PDCD1LG2: variants seen among roughly 807,000 people sequenced by gnomAD.
PDCD1LG2 encodes the protein B7 dendritic cell molecule.
Under a neutral mutation model 28.2 loss-of-function variants are expected in PDCD1LG2, and 32 were observed. The ratio of observed to expected loss-of-function variants is 1.13; its 90% CI spans 0.86 to 1.52. The LOEUF (loss-of-function observed/expected upper bound fraction) is 1.52, where lower values mean the gene tolerates loss of function less well. PDCD1LG2 is among the 40% of genes most tolerant of loss of function. PDCD1LG2 has a pLI of 0.00. For synonymous variants in PDCD1LG2, 116 were observed against 120.2 expected, an observed-to-expected ratio of 0.97 and a Z score of 0.23; for missense variants, 385 against 323.8, an observed-to-expected ratio of 1.19 and a Z score of -1.45.
chr9:5,520,310 T>C (rs1465851745), intron 1 of PDCD1LG2, among the ~76,000 whole-genome samples: 4 of 152,246 alleles, frequency 2.6e-5, no homozygotes, highest in Admixed American at 6.5e-5. Flanking sequence ...ATTGATGTTT[T>C]GCAAGGGTGC....
At chr9:5,527,145 A>G (rs1820395191) in intron 2 of PDCD1LG2, among the ~76,000 whole-genome samples, 1 of 152,276 alleles carries the variant, frequency 6.6e-6, no homozygotes, top group Admixed American at 6.5e-5. Flanking sequence ...AAGGATATAT[A>G]CATGGATGTA....
At chr9:5,546,958 T>A (rs1412860044) in intron 3 of PDCD1LG2, among the ~76,000 whole-genome samples, 1 of 152,132 alleles carries the variant, frequency 6.6e-6, no homozygotes, top group East Asian at 1.9e-4. Context: ...TGCTCTCTAG[T>A]GAACCCAGAT....
chr9:5,561,334 A>C (rs1201545030), intron 5 of PDCD1LG2, among the ~76,000 whole-genome samples: 2 of 152,198 alleles, frequency 1.3e-5, no homozygotes, highest in Non-Finnish European at 2.9e-5. Flanking sequence ...ACCCTTTACA[A>C]ACTTCTCATT....
chr9:5,562,240 G>A (rs1157141402), intron 5 of PDCD1LG2, among the ~76,000 whole-genome samples: 2 of 152,118 alleles, frequency 1.3e-5, no homozygotes, highest in Non-Finnish European at 2.9e-5. Flanking sequence ...ACCAACCTAA[G>A]ATCCCATTGA....
At chr9:5,517,256 G>A (rs1445235550) in intron 1 of PDCD1LG2, among the ~76,000 whole-genome samples, 2 of 152,344 alleles carry the variant, frequency 1.3e-5, no homozygotes, top group Non-Finnish European at 2.9e-5. Flanking sequence ...GAAAGTGTCC[G>A]GGTAGAGGGA....
chr9:5,520,624 T>C (rs186643266), intron 1 of PDCD1LG2, among the ~76,000 whole-genome samples: 1 of 152,028 alleles, frequency 6.6e-6, no homozygotes. Context: ...GCACAAACAA[T>C]AAAAGAAAAA....
rs1820659471 is a variant in PDCD1LG2, at chr9:5,540,080, T to C, written c.361+5030T>C. On this transcript the variant is annotated intron_variant, in intron 3 of 6. Transcript: ENST00000397747. The stretch of plus-strand genomic sequence containing the variant: ...CAGTGGAGTAAAACTGGAAATAAAC[T>C]CCAAAAGGAACCTTCAAAACCATGC... 2.6e-5 allele frequency among the ~76,000 whole-genome samples: 4 copies of C among 152,092 alleles called. No individual in the cohort carries two copies. In the South Asian group the frequency reaches 8.3e-4, roughly 32 times the overall value.
chr9:5,520,811 C>T (rs1042674647), intron 1 of PDCD1LG2, among the ~76,000 whole-genome samples: 4 of 152,050 alleles, frequency 2.6e-5, no homozygotes, highest in African/African-American at 9.7e-5. Flanking sequence ...TTTGGCAATT[C>T]CTCAAAAAGT....
rs556902951 is a variant in PDCD1LG2, at chr9:5,518,191, A to C, written c.-14-4342A>C. ...TTAGAGGCTTACAATTTGTAAAACCAGGATTAAACCCAGATGTGTCTGATT... is the reference window on the plus strand; with the variant it reads ...TTAGAGGCTTACAATTTGTAAAACCCGGATTAAACCCAGATGTGTCTGATT... On this transcript the variant is annotated intron_variant, in intron 1 of 6. Transcript: ENST00000397747. Among the ~76,000 whole-genome samples the C allele has an allele frequency of 2.6e-5, 4 of 152,374 alleles. No homozygotes were observed. The East Asian group carries it at 7.7e-4, about 29-fold the overall frequency.
intron 5 of PDCD1LG2, among the ~76,000 whole-genome samples, chr9:5,559,917 G>T (rs1816526071): frequency 6.6e-6 from 1 of 152,108 alleles, no homozygotes; most frequent in African/African-American, 2.4e-5. Flanking sequence ...GTCCTCAGAG[G>T]CATGGCAGTC....
At chr9:5,514,166 A>T (rs1820112103) in intron 1 of PDCD1LG2, among the ~76,000 whole-genome samples, 1 of 152,226 alleles carries the variant, frequency 6.6e-6, no homozygotes, top group South Asian at 2.1e-4. Context: ...ACTTCCATAG[A>T]ATGTCTATGC....
intron 6 of PDCD1LG2, among the ~76,000 whole-genome samples, chr9:5,564,538 T>G (rs1464381451): frequency 6.6e-6 from 1 of 152,184 alleles, no homozygotes; most frequent in Non-Finnish European, 1.5e-5. Context: ...CAATACCTAA[T>G]GAGGAATTTA....
intron 4 of PDCD1LG2, among the ~76,000 whole-genome samples, chr9:5,551,215 G>C (rs539630728): frequency 2.0e-5 from 3 of 152,176 alleles, no homozygotes; most frequent in Non-Finnish European, 2.9e-5. Context: ...CTACTGAGAA[G>C]GGATATACTC....
At chr9:5,539,879 C>T (rs559175040) in intron 3 of PDCD1LG2, among the ~76,000 whole-genome samples, 227 of 152,302 alleles carry the variant, frequency 1.5e-3, no homozygotes, top group Non-Finnish European at 3.0e-3. Flanking sequence ...AAACTATGCC[C>T]TACCACAAAT....
At chr9:5,525,777 G>T (rs758175379) in intron 2 of PDCD1LG2, among the ~76,000 whole-genome samples, 1 of 152,132 alleles carries the variant, frequency 6.6e-6, no homozygotes, top group Non-Finnish European at 1.5e-5. Flanking sequence ...GGCCGGGCAT[G>T]GTGGCTCACG....
intron 4 of PDCD1LG2, among the ~76,000 whole-genome samples, chr9:5,550,407 A>G (rs1816306590): frequency 6.6e-6 from 1 of 152,222 alleles, no homozygotes; most frequent in South Asian, 2.1e-4. Flanking sequence ...CACCGAGTGC[A>G]TATGTTTTCT....
intron 1 of PDCD1LG2, among the ~76,000 whole-genome samples, chr9:5,516,711 C>T (rs745362330): frequency 3.3e-5 from 5 of 152,238 alleles, no homozygotes; most frequent in Non-Finnish European, 7.3e-5. Context: ...GTCGAGGCAG[C>T]AGGGGGCTAG....
intron 2 of PDCD1LG2, among the ~76,000 whole-genome samples, chr9:5,523,274 G>C (rs1253370233): frequency 6.6e-6 from 1 of 152,204 alleles, no homozygotes; most frequent in African/African-American, 2.4e-5. Flanking sequence ...CGAGGGTGTA[G>C]TTAGAACCAT....
At position 5,569,847 on chromosome 9, in the gene PDCD1LG2, A is replaced by G. The variant is rs754952482; in HGVS notation, c.817-107A>G. The G allele has an allele frequency of 1.4e-5, 16 of 1,114,774 alleles. No individual in the cohort carries two copies. The highest frequency in any genetic ancestry group is 9.5e-6 in the Non-Finnish European group (7 of 738,352). 69.1% of individuals were successfully genotyped at this position (1,114,774 alleles called of 1,614,324 possible). On this transcript the variant is annotated intron_variant, in intron 6 of 6. Transcript: ENST00000397747. This position sits in a 1 kb window ranked among gnomAD's most constrained non-coding sequence, Gnocchi z 4.1. ...GTTTTAAACCATGCGGCTTCCAGCT[A>G]GATGAACTTTTTTAAAAAAATTAGT...
Sources: allele counts gnomAD v4.1 joint callset (sites outside exome capture counted in the v4.1 genomes callset), GRCh38; gene constraint gnomAD v4.1.1; non-coding constraint Gnocchi (gnomAD v3.1); transcripts MANE v1.5; gene names NCBI Gene and HGNC (gene_info 2026-07-23, HGNC 2026-07-21).